The following FAM178B variants were observed in gnomAD, a reference collection of about 807,000 sequenced individuals.
FAM178B encodes the protein family with sequence similarity 178 member B, also known as protein FAM178B.
A neutral mutation model predicts 91.7 loss-of-function variants in FAM178B; 82 were observed. The ratio of observed to expected loss-of-function variants is 0.89; its 90% CI spans 0.75 to 1.07. The LOEUF (loss-of-function observed/expected upper bound fraction) is 1.07, where lower values mean the gene tolerates loss of function less well. FAM178B is among the 50% of genes least tolerant of loss of function. The pLI is 0.00. For missense variants in FAM178B, 769 were observed against 846.7 expected (o/e 0.91, Z 1.14); for synonymous variants, 368 against 359.4 (o/e 1.02, Z -0.27).
chr2:96,978,867 C>G (rs1256257621), intron 1 of FAM178B, among the ~76,000 whole-genome samples: 1 of 147,346 alleles, frequency 6.8e-6, no homozygotes, highest in Non-Finnish European at 1.5e-5. Context: ...CCTCGTGATC[C>G]GCCCGCCTCG....
At chr2:96,969,586 T>C (rs2082189756) in intron 4 of FAM178B, among the ~76,000 whole-genome samples, 1 of 152,190 alleles carries the variant, frequency 6.6e-6, no homozygotes, top group South Asian at 2.1e-4. Flanking sequence ...CGACAAGCAG[T>C]CACGAGGAGG....
intron 9 of FAM178B, among the ~76,000 whole-genome samples, chr2:96,927,686 A>G (rs1018989098): frequency 4.6e-5 from 7 of 152,204 alleles, no homozygotes. Flanking sequence ...GTCACGCAGC[A>G]TGAAGGGCAA....
intron 13 of FAM178B, among the ~76,000 whole-genome samples, chr2:96,896,037 C>T (rs1483108603): frequency 6.6e-6 from 1 of 152,216 alleles, no homozygotes; most frequent in Non-Finnish European, 1.5e-5. Flanking sequence ...ATGGCTGTGC[C>T]ACCTTCCTCA....
intron 12 of FAM178B, among the ~76,000 whole-genome samples, chr2:96,913,007 G>T (rs2081184663): frequency 6.6e-6 from 1 of 152,234 alleles, no homozygotes; most frequent in Admixed American, 6.5e-5. Flanking sequence ...GATGTGGGTG[G>T]AGACAGAACG....
intron 1 of FAM178B, 98 bp from the exon 2 acceptor site, chr2:96,972,704 G>T: frequency 1.8e-6 from 2 of 1,134,658 alleles, no homozygotes; most frequent in Non-Finnish European, 2.5e-6. Context: ...GGCCCACTGT[G>T]CCCAAGAGGG....
intron 13 of FAM178B, among the ~76,000 whole-genome samples, chr2:96,900,574 G>GCCACCAGGAGTGA (rs1467233048): frequency 2.5e-4 from 38 of 152,120 alleles, no homozygotes; most frequent in Middle Eastern, 3.2e-3. Flanking sequence ...TCAGGGGGTG[G>GCCACCAGGAGTGA]CCACCAGGAG....
intron 1 of FAM178B, among the ~76,000 whole-genome samples, chr2:96,974,642 T>C (rs902924620): frequency 6.6e-6 from 1 of 151,980 alleles, no homozygotes; most frequent in Admixed American, 6.6e-5. Context: ...CACAAATAGG[T>C]TGAAAATGCA....
rs139915465 is a variant in FAM178B at position 96,947,109 on chromosome 2, C to T, written c.1078+709G>A. On this transcript the variant is annotated intron_variant, in intron 8 of 16. Transcript: ENST00000490605. ...GAGTCCCTCTTACTGTCTGCTTAAG[C>T]AACTTTCAACTGGTTACATGATATT... Among the ~76,000 whole-genome samples the T allele has an allele frequency of 3.4e-3, 522 of 152,318 alleles. 4 individuals carry two copies. The highest frequency in any genetic ancestry group is 0.011 in the African/African-American group (475 of 41,558).
chr2:96,892,685 C>A (rs543700223), intron 14 of FAM178B, among the ~76,000 whole-genome samples: 1 of 152,224 alleles, frequency 6.6e-6, no homozygotes, highest in Non-Finnish European at 1.5e-5. Context: ...CCCAAGGTGC[C>A]TGCAGGCCAC....
chr2:96,892,476 T>C (rs1484755521), intron 14 of FAM178B, among the ~76,000 whole-genome samples: 8 of 152,186 alleles, frequency 5.3e-5, no homozygotes, highest in Non-Finnish European at 1.2e-4. Context: ...ATTTCCAATA[T>C]GGCGGCCAAC....
At chr2:96,975,608 A>G (rs966838537) in intron 1 of FAM178B, among the ~76,000 whole-genome samples, 84 of 152,204 alleles carry the variant, frequency 5.5e-4, no homozygotes, top group African/African-American at 1.9e-3. Flanking sequence ...TATACAATAA[A>G]TTATTGTAAA....
chr2:96,883,982 A>G (rs1559048514), intron 14 of FAM178B, among the ~76,000 whole-genome samples: 1 of 152,256 alleles, frequency 6.6e-6, no homozygotes, highest in East Asian at 1.9e-4. Context: ...AAGCACACGG[A>G]CTGAAGATCG....
chr2:96,879,732 C>T (rs2080333493), intron 14 of FAM178B, among the ~76,000 whole-genome samples: 1 of 152,220 alleles, frequency 6.6e-6, no homozygotes, highest in Non-Finnish European at 1.5e-5. Flanking sequence ...AGAGAAGACA[C>T]AGTGGGGGAA....
chr2:96,986,561 G>A lies in FAM178B; in HGVS notation c.-248C>T. The A allele has an allele frequency of 2.0e-6, 1 of 501,440 alleles. No homozygotes were observed. Among genetic ancestry groups the A allele is most frequent in the Admixed American group, 3.5e-5 (1 of 28,400 alleles). The allele number at this position is 501,440 out of a possible 1,614,324, so 31.1% of individuals were successfully genotyped here. On this transcript the variant is annotated 5_prime_UTR_variant, in exon 1 of 17. Transcript: ENST00000490605. ...CACAGCCGCCGCCGCCGCCAGCTGG[G>A]GAGCTCGCCGGCCAAGTGCGCACCC... is the stretch of plus-strand genomic sequence containing the variant.
At chr2:96,918,868 G>A (rs188905309) in intron 12 of FAM178B, among the ~76,000 whole-genome samples, 46 of 152,262 alleles carry the variant, frequency 3.0e-4, no homozygotes, top group African/African-American at 1.0e-3. Context: ...GACATTACAC[G>A]GGACAGCACT....
intron 9 of FAM178B, among the ~76,000 whole-genome samples, chr2:96,928,586 A>G (rs2081486708): frequency 6.6e-6 from 1 of 152,162 alleles, no homozygotes; most frequent in Non-Finnish European, 1.5e-5. Flanking sequence ...AAGCGGCTTG[A>G]AGAGACTCAA....
At chr2:96,966,243 C>A (rs924655064) in intron 5 of FAM178B, among the ~76,000 whole-genome samples, 3 of 152,112 alleles carry the variant, frequency 2.0e-5, no homozygotes, top group Non-Finnish European at 4.4e-5. Context: ...GCTTAGAAGA[C>A]CTGCTCACAA....
chr2:96,914,837 C>T (rs1019651676), intron 12 of FAM178B, among the ~76,000 whole-genome samples: 1 of 152,102 alleles, frequency 6.6e-6, no homozygotes, highest in African/African-American at 2.4e-5. Flanking sequence ...CTGCAGTGAG[C>T]CTGGATGGCA....
intron 1 of FAM178B, among the ~76,000 whole-genome samples, chr2:96,981,548 G>A (rs1421024941): frequency 1.3e-5 from 2 of 151,666 alleles, no homozygotes; most frequent in South Asian, 2.1e-4. Flanking sequence ...TGAGGAGATC[G>A]AGGTCACCCT....
Sources: gnomAD v4.1 joint callset for allele counts (sites outside exome capture counted in the v4.1 genomes callset) on GRCh38, gnomAD v4.1.1 for gene constraint, MANE v1.5 for transcripts, NCBI Gene and HGNC (gene_info 2026-07-23, HGNC 2026-07-21) for gene names.